Variants in QPCT observed in about 807,000 individuals in gnomAD.
QPCT encodes the protein glutaminyl-peptide cyclotransferase.
Under a neutral mutation model 43.4 loss-of-function variants are expected in QPCT, and 44 were observed. The ratio of observed to expected loss-of-function variants is 1.01; its 90% CI spans 0.80 to 1.30. The LOEUF is 1.30. Ranked by LOEUF, QPCT falls within the 50% of genes most tolerant of loss-of-function variation. The pLI is 0.00. For missense variants in QPCT, 526 were observed against 436.5 expected (o/e 1.21, Z -1.83); for synonymous variants, 168 against 168.4 (o/e 1.00, Z 0.02).
Position 37,372,390 on chromosome 2 carries a change from T to C in QPCT, c.858T>C (p.Asp286=), listed in dbSNP as rs777256535. 4.6e-5 allele frequency: 74 copies of C among 1,614,030 alleles called. 1 individual carries two copies. The South Asian group carries it at 7.8e-4, about 17-fold the overall frequency. Reference sequence around the variant, plus strand: ...TTCATGAATTGGGTTTGCTCAAGGATCACTCTTTGGAGGGGCGGTATTTCC... The same window carrying C: ...TTCATGAATTGGGTTTGCTCAAGGACCACTCTTTGGAGGGGCGGTATTTCC... ...HELHELGLLK[D]HSLEGRYFQN... The change falls in exon 6 of 7, where the codon GAT becomes GAC. Residue 286 remains aspartate, a synonymous_variant. Transcript: ENST00000338415.
At chr2:37,360,371 C>G (rs1184173748) in intron 3 of QPCT, among the ~76,000 whole-genome samples, 1 of 152,198 alleles carries the variant, frequency 6.6e-6, no homozygotes, top group African/African-American at 2.4e-5. Flanking sequence ...CTGTGAATCT[C>G]AGCTCCATTT....
chr2:37,369,912 G>A, intron 5 of QPCT, 128 bp downstream of exon 5: 1 of 826,996 alleles, frequency 1.2e-6, no homozygotes, highest in Non-Finnish European at 1.9e-6. Context: ...AGCACTTTGG[G>A]AGGCCAAGGC....
In QPCT at chr2:37,366,268, C is replaced by T. The variant is rs965135295; in HGVS notation, c.547-964C>T. On this transcript the variant is annotated intron_variant, in intron 3 of 6. Transcript: ENST00000338415. ...AGGAAAGTGTAAAATCAGTTAGAAT[C>T]CTAGTCACTCTTTTTAGTTCCATTC... Among the ~76,000 whole-genome samples the T allele has an allele frequency of 3.3e-5, 5 of 152,148 alleles. No individual in the cohort carries two copies. In the South Asian group the frequency reaches 6.2e-4, roughly 19 times the overall value.
chr2:37,361,232 G>A (rs1044526323), intron 3 of QPCT, among the ~76,000 whole-genome samples: 1 of 152,148 alleles, frequency 6.6e-6, no homozygotes, highest in Non-Finnish European at 1.5e-5. Flanking sequence ...AACTAAATTG[G>A]TATTGAGAAG....
chr2:37,345,983 T>C lies in QPCT; in HGVS notation c.120+1132T>C, dbSNP rs1361978633. Among the ~76,000 whole-genome samples, 4 of 152,180 alleles carry C rather than the reference T, an allele frequency of 2.6e-5. No homozygotes were observed. The East Asian group carries it at 7.7e-4, about 29-fold the overall frequency. On this transcript the variant is annotated intron_variant, in intron 1 of 6. Coordinates refer to ENST00000338415, the MANE Select transcript of QPCT (RefSeq NM_012413.4). ...GATGTCAGCATAAAATAGTATGTTA[T>C]AGAGATATTAAGAAAAGCAGCAAAG...
intron 4 of QPCT, chr2:37,368,636 C>T (rs1572738185): frequency 2.1e-6 from 1 of 471,066 alleles, no homozygotes; most frequent in Admixed American, 2.3e-5. Context: ...CCATTGGCAG[C>T]TCCTAATGGG....
At chr2:37,368,261 C>A (rs1260594830) in intron 4 of QPCT, 1 of 244,974 alleles carries the variant, frequency 4.1e-6, no homozygotes, top group Non-Finnish European at 8.2e-6. Flanking sequence ...ATGAGTGCAA[C>A]ACACAGCCTC....
chr2:37,372,945 C>G lies in QPCT; in HGVS notation c.*118C>G. ...TGGAAACATCTATCCTATAGATCAT[C>G]CTATTCTTATGTGTCTTTGGTTATC... On this transcript the variant is annotated 3_prime_UTR_variant, in exon 7 of 7. Transcript: ENST00000338415. The G allele has an allele frequency of 1.2e-6, 1 of 856,438 alleles. No homozygotes were observed. The highest frequency in any genetic ancestry group is 1.7e-6 in the Non-Finnish European group (1 of 582,292). The allele number at this position is 856,438 out of a possible 1,614,324, so 53.1% of individuals were successfully genotyped here.
chr2:37,352,843 G>A lies in QPCT; in HGVS notation c.175G>A (p.Gly59Ser). Residue 59 changes from glycine to serine, a missense_variant, in exon 2 of 7, where the codon GGC becomes AGC. Gly to Ser is a moderately conservative substitution (Grantham distance 56). Transcript: ENST00000338415. ...ATCGGCTCTTCGGCAAATTGCAGAA[G>A]GCACCAGTATCTCTGAAATGTGGCA... ...NSSALRQIAE[G>S]TSISEMWQND... 6.2e-7 allele frequency: 1 copy of A among 1,614,190 alleles called. No individual in the cohort carries two copies. The highest frequency in any genetic ancestry group is 1.3e-5 in the African/African-American group (1 of 75,060).
intron 2 of QPCT, among the ~76,000 whole-genome samples, chr2:37,357,775 C>A (rs1329077549): frequency 1.3e-5 from 2 of 152,110 alleles, no homozygotes; most frequent in South Asian, 2.1e-4. Context: ...TCCTTGGAAG[C>A]TTCCTGCCGC....
rs755896115 is a variant in QPCT, at chr2:37,372,452, A to C, written c.920A>C (p.His307Pro). The change falls in exon 6 of 7, where the codon CAT (histidine) becomes CCT (proline). Residue 307 changes from histidine to proline, a missense_variant. By Grantham distance (77) the His-to-Pro change is moderately conservative (BLOSUM62 -2). Transcript: ENST00000338415. The part of the protein sequence containing the change: ...YSYGGVIQDD[H>P]IPFLRRGVPV... ...TATGGAGGTGTGATTCAGGATGACCATATTCCATTTTTAAGAAGAGGTAAT... is the reference window on the plus strand; with the variant it reads ...TATGGAGGTGTGATTCAGGATGACCCTATTCCATTTTTAAGAAGAGGTAAT... 2 of 1,613,316 alleles carry C rather than the reference A, an allele frequency of 1.2e-6. No individual in the cohort carries two copies. Among genetic ancestry groups the C allele is most frequent in the Non-Finnish European group, 8.5e-7 (1 of 1,179,332 alleles).
intron 2 of QPCT, among the ~76,000 whole-genome samples, chr2:37,353,910 G>A (rs961421813): frequency 6.6e-6 from 1 of 152,170 alleles, no homozygotes; most frequent in South Asian, 2.1e-4. Context: ...TGTCACCCAG[G>A]CTGGAGTGCA....
At chr2:37,359,502 T>C in intron 2 of QPCT, 78 bp from the exon 3 acceptor site, 6 of 1,398,454 alleles carry the variant, frequency 4.3e-6, no homozygotes, top group Non-Finnish European at 5.8e-6. Context: ...AAGGCACTAC[T>C]TAAAATTTCA....
At chr2:37,365,089 A>T (rs1449892721) in intron 3 of QPCT, among the ~76,000 whole-genome samples, 1 of 151,528 alleles carries the variant, frequency 6.6e-6, no homozygotes, top group Non-Finnish European at 1.5e-5. Flanking sequence ...ACACACACAC[A>T]CACACACAAG....
intron 5 of QPCT, 67 bp downstream of exon 5, chr2:37,369,851 C>T: frequency 7.1e-7 from 1 of 1,414,020 alleles, no homozygotes; most frequent in Non-Finnish European, 1.0e-6. Flanking sequence ...ACATTTTTAA[C>T]ATTTAAAATT....
Position 37,372,440 on chromosome 2 carries a change from T to C in QPCT, c.908T>C (p.Ile303Thr), listed in dbSNP as rs767418608. Residue 303 changes from isoleucine (I) to threonine (T), a missense_variant, in exon 6 of 7, where the codon ATT becomes ACT. Physicochemically the swap from Ile to Thr is moderately conservative, Grantham distance 89 (BLOSUM62 -1). Coordinates refer to ENST00000338415, the MANE Select transcript of QPCT (RefSeq NM_012413.4). Reference sequence around the variant, plus strand: ...CAGAATTACAGTTATGGAGGTGTGATTCAGGATGACCATATTCCATTTTTA... The same window carrying C: ...CAGAATTACAGTTATGGAGGTGTGACTCAGGATGACCATATTCCATTTTTA... ...YFQNYSYGGV[I>T]QDDHIPFLRR... The C allele has an allele frequency of 9.3e-6, 15 of 1,613,876 alleles. No homozygotes were observed. The highest frequency in any genetic ancestry group is 1.3e-5 in the Non-Finnish European group (15 of 1,179,906).
intron 1 of QPCT, 132 bp from the exon 2 acceptor site, chr2:37,352,657 T>C: frequency 8.9e-7 from 1 of 1,129,418 alleles, no homozygotes; most frequent in Non-Finnish European, 1.3e-6. Flanking sequence ...TAAAGTTGAG[T>C]AGTTTAATTT....
intron 3 of QPCT, among the ~76,000 whole-genome samples, chr2:37,366,637 A>C (rs541597053): frequency 2.2e-4 from 33 of 152,328 alleles, no homozygotes; most frequent in African/African-American, 7.7e-4. Flanking sequence ...TTTAGTATTC[A>C]GGTCACTTAT....
At chr2:37,354,066 CG>C (rs1672683373) in intron 2 of QPCT, among the ~76,000 whole-genome samples, 2 of 152,130 alleles carry the variant, frequency 1.3e-5, no homozygotes, top group African/African-American at 4.8e-5. Context: ...GGTTTCACCA[CG>C]TTGGCCAGGA....
Sources: gnomAD v4.1 joint callset for allele counts (sites outside exome capture counted in the v4.1 genomes callset) on GRCh38, gnomAD v4.1.1 for gene constraint, MANE v1.5 for transcripts, NCBI Gene and HGNC (gene_info 2026-07-23, HGNC 2026-07-21) for gene names.